Variants in LRP1B observed in about 807,000 individuals in gnomAD.
The protein encoded by LRP1B is low-density lipoprotein receptor-related protein 1B.
In LRP1B, 217 loss-of-function variants were observed where a neutral mutation model predicts 556.6. The observed-to-expected ratio is 0.39, with a 90% CI of 0.35 to 0.44. The LOEUF (loss-of-function observed/expected upper bound fraction) is 0.44. LRP1B is among the 20% of genes least tolerant of loss of function. The probability of loss-of-function intolerance (pLI) is 1.00; values close to 1 mark genes in which losing one functional copy is unlikely to be tolerated. For missense variants in LRP1B, 5,053 were observed against 5,620.8 expected, an observed-to-expected ratio of 0.90 and a Z score of 3.23; for synonymous variants, 2,047 against 1,865.8, an observed-to-expected ratio of 1.10 and a Z score of -2.50.
At chr2:142,090,771 T>C (rs934050458) in intron 1 of LRP1B, among the ~76,000 whole-genome samples, 3 of 152,148 alleles carry the variant, frequency 2.0e-5, no homozygotes, top group Admixed American at 1.3e-4. Context: ...TTTCATCTTC[T>C]AAAAATTTTA....
At chr2:141,584,555 A>G (rs960453559) in intron 2 of LRP1B, among the ~76,000 whole-genome samples, 3 of 150,578 alleles carry the variant, frequency 2.0e-5, no homozygotes, top group Non-Finnish European at 3.0e-5. Flanking sequence ...TATTTATGAT[A>G]TGTATATATT....
intron 7 of LRP1B, among the ~76,000 whole-genome samples, chr2:141,091,307 C>T (rs74770028): frequency 0.038 from 5,709 of 152,170 alleles, 169 homozygotes; most frequent in Middle Eastern, 0.11. Flanking sequence ...GATTTACTTA[C>T]GTTTCAAAAG....
rs1284192212 is a variant in LRP1B at position 141,873,848 on chromosome 2, T to TA, written c.83-63448dup. Among the ~76,000 whole-genome samples, 3 of 151,894 alleles carry TA rather than the reference T, an allele frequency of 2.0e-5. No homozygotes were observed. The East Asian group carries it at 5.8e-4, about 29-fold the overall frequency. ...ATTGAGCAAATTTGGACCACTTTTT[T>TA]ATGTAAAATATACCAATGAAAAAGT... On this transcript the variant is annotated intron_variant, in intron 1 of 90. Transcript: ENST00000389484.
chr2:141,483,252 G>T (rs1682992146), intron 2 of LRP1B, among the ~76,000 whole-genome samples: 1 of 150,334 alleles, frequency 6.7e-6, no homozygotes, highest in Non-Finnish European at 1.5e-5. Context: ...TGAGAATGAT[G>T]GTTTCCAGTT....
chr2:142,002,575 T>C (rs912491932), intron 1 of LRP1B, among the ~76,000 whole-genome samples: 11 of 151,556 alleles, frequency 7.3e-5, no homozygotes, highest in African/African-American at 2.7e-4. Flanking sequence ...TTGAGGCCTG[T>C]CAGATTTTTA....
chr2:141,556,704 A>G (rs1685971160), intron 2 of LRP1B, among the ~76,000 whole-genome samples: 1 of 151,932 alleles, frequency 6.6e-6, no homozygotes, highest in African/African-American at 2.4e-5. Flanking sequence ...TAAATCAGGT[A>G]AAAGTAGGAT....
At chr2:141,457,737 C>T (rs147910284) in intron 3 of LRP1B, among the ~76,000 whole-genome samples, 1,648 of 152,006 alleles carry the variant, frequency 0.011, 20 homozygotes, top group African/African-American at 0.036. Context: ...CAGCAAGTGT[C>T]GGGGGCAAGG....
chr2:141,875,128 T>A (rs963900682), intron 1 of LRP1B, among the ~76,000 whole-genome samples: 3 of 151,644 alleles, frequency 2.0e-5, no homozygotes, highest in Non-Finnish European at 4.4e-5. Flanking sequence ...AATGTATACA[T>A]CACATTATAT....
In LRP1B at chr2:141,770,030, C is replaced by T. The variant is rs544209393; in HGVS notation, c.205+40249G>A. Among the ~76,000 whole-genome samples the T allele has an allele frequency of 6.9e-4, 105 of 152,276 alleles. 1 individual carries two copies. The highest frequency in any genetic ancestry group is 2.3e-3 in the African/African-American group (95 of 41,558). The stretch of plus-strand genomic sequence containing the variant: ...AGAGTTAGTATGACCTATTAAAGGA[C>T]GGCATGAGAGCGGGGACAAAAAGGA... On this transcript the variant is annotated intron_variant, in intron 2 of 90. Transcript: ENST00000389484.
chr2:142,011,340 G>A lies in LRP1B; in HGVS notation c.82+119308C>T, dbSNP rs576736290. Among the ~76,000 whole-genome samples the A allele has an allele frequency of 8.5e-5, 13 of 152,286 alleles. No individual in the cohort carries two copies. The South Asian group carries it at 2.5e-3, about 29-fold the overall frequency. On this transcript the variant is annotated intron_variant, in intron 1 of 90. Coordinates refer to ENST00000389484, the MANE Select transcript of LRP1B (RefSeq NM_018557.3). ...TGTCACTTGATAATATACATGAGCA[G>A]TTTTAATACTCAATCATTTCTCAAG...
intron 60 of LRP1B, among the ~76,000 whole-genome samples, chr2:140,459,000 C>G (rs1467338613): frequency 6.6e-6 from 1 of 151,916 alleles, no homozygotes. Context: ...AGAACAGATA[C>G]TAATCATATG....
chr2:141,497,307 T>G (rs62167876), intron 2 of LRP1B, among the ~76,000 whole-genome samples: 52,720 of 151,808 alleles, frequency 0.35, 11,009 homozygotes, highest in East Asian at 0.64. Context: ...AGGCAACTAT[T>G]TTCTCTCCTC....
chr2:141,058,956 A>C lies in LRP1B; in HGVS notation c.1335T>G (p.Thr445=). The C allele has an allele frequency of 6.2e-7, 1 of 1,601,104 alleles. No homozygotes were observed. The highest frequency in any genetic ancestry group is 1.7e-4 in the Middle Eastern group (1 of 6,022). The change falls in exon 9 of 91, where the codon ACT becomes ACG. Residue 445 remains threonine (T), a synonymous_variant. Transcript: ENST00000389484. ...CAATTTTAATTAATGAGTGAATATC[A>C]GTCCCATTAAATCGGTTTATCCTTA... The part of the protein sequence containing the change: ...NIVRINRFNG[T]DIHSLIKIEN...
intron 41 of LRP1B, among the ~76,000 whole-genome samples, chr2:140,687,286 T>C (rs530847451): frequency 6.6e-6 from 1 of 152,270 alleles, no homozygotes; most frequent in South Asian, 2.1e-4. Context: ...CTGACATGCT[T>C]TTACATATCA....
chr2:141,574,313 C>T (rs1020285112), intron 2 of LRP1B, among the ~76,000 whole-genome samples: 3 of 152,086 alleles, frequency 2.0e-5, no homozygotes, highest in African/African-American at 7.2e-5. Flanking sequence ...TACATGTAAT[C>T]CATCATGCAA....
At chr2:141,331,735 G>A (rs576226925) in intron 3 of LRP1B, among the ~76,000 whole-genome samples, 1 of 152,120 alleles carries the variant, frequency 6.6e-6, no homozygotes, top group South Asian at 2.1e-4. Flanking sequence ...TAATGTCTTT[G>A]GAAAGGGAGA....
chr2:140,411,202 G>A (rs925253546), intron 66 of LRP1B, among the ~76,000 whole-genome samples: 5 of 151,902 alleles, frequency 3.3e-5, no homozygotes, highest in Admixed American at 1.3e-4. Context: ...CTTTATATAA[G>A]ACTTCTACAT....
chr2:140,600,466 C>T (rs1682609118), intron 42 of LRP1B, among the ~76,000 whole-genome samples: 1 of 152,102 alleles, frequency 6.6e-6, no homozygotes, highest in Admixed American at 6.6e-5. Flanking sequence ...ACTATTTTCA[C>T]ACTGACCAAT....
At chr2:140,252,099 C>CAAAAAAAAAA (rs768188298) in intron 86 of LRP1B, among the ~76,000 whole-genome samples, 1 of 53,760 alleles carries the variant, frequency 1.9e-5, no homozygotes, top group African/African-American at 7.7e-5. Context: ...ACCCAAAAAA[C>CAAAAAAAAAA]AAAAAAAAAC....
Sources: gnomAD v4.1 joint callset for allele counts (sites outside exome capture counted in the v4.1 genomes callset) on GRCh38, gnomAD v4.1.1 for gene constraint, MANE v1.5 for transcripts, NCBI Gene and HGNC (gene_info 2026-07-23, HGNC 2026-07-21) for gene names.